The following PBX1 variants were observed in gnomAD, a reference collection of about 807,000 sequenced individuals.
The protein encoded by PBX1 is PBX homeobox 1, also known as pre-B-cell leukemia transcription factor 1.
PBX1 carries 6 observed loss-of-function variants against 53.4 expected under a neutral mutation model. The observed-to-expected ratio is 0.11, with a 90% CI of 0.06 to 0.22. PBX1 has a LOEUF of 0.22. Among genes scored for constraint, PBX1 ranks in the 10% least tolerant of loss-of-function variants. The pLI is 1.00. For missense variants in PBX1, 251 were observed against 551.4 expected (o/e 0.46, Z 5.46); for synonymous variants, 204 against 212.3 (o/e 0.96, Z 0.34).
chr1:164,641,751 A>AG (rs1400274421), intron 2 of PBX1: 1 of 152,244 alleles, frequency 6.6e-6, no homozygotes, highest in African/African-American at 2.4e-5. Context: ...ACTGTGAGAA[A>AG]GGATTTTATT....
At chr1:164,786,118 T>C (rs943773150) in intron 2 of PBX1, among the ~76,000 whole-genome samples, 36 of 152,292 alleles carry the variant, frequency 2.4e-4, no homozygotes, top group African/African-American at 7.2e-4. Flanking sequence ...ATACAGGGAA[T>C]TGGCTGCCTG....
At chr1:164,835,296 G>A (rs1670982525) in intron 8 of PBX1, among the ~76,000 whole-genome samples, 1 of 147,290 alleles carries the variant, frequency 6.8e-6, no homozygotes, top group Admixed American at 6.8e-5. Context: ...TTATAGTACA[G>A]AACATTTAAT....
chr1:164,845,809 C>A (rs539998430), intron 8 of PBX1, among the ~76,000 whole-genome samples: 23 of 152,082 alleles, frequency 1.5e-4, no homozygotes, highest in Non-Finnish European at 2.4e-4. Context: ...ACAGACTAGT[C>A]CTTATGGCCT....
chr1:164,795,626 G>A (rs1406298639), intron 3 of PBX1, among the ~76,000 whole-genome samples: 1 of 152,110 alleles, frequency 6.6e-6, no homozygotes, highest in Non-Finnish European at 1.5e-5. Context: ...ATACATTTTG[G>A]ATGCTTAATA....
chr1:164,852,995 A>G (rs993323877), downstream of PBX1, among the ~76,000 whole-genome samples: 1 of 152,238 alleles, frequency 6.6e-6, no homozygotes, highest in Non-Finnish European at 1.5e-5. Flanking sequence ...AAATAGATGT[A>G]AGAAACAGAC....
chr1:164,767,374 T>C (rs1162851702), intron 2 of PBX1, among the ~76,000 whole-genome samples: 5 of 152,178 alleles, frequency 3.3e-5, no homozygotes, highest in African/African-American at 9.7e-5. Flanking sequence ...ACAAAGCCAG[T>C]GCTTTGGTTT....
At chr1:164,684,051 C>T (rs562865340) in intron 2 of PBX1, 1 of 152,286 alleles carries the variant, frequency 6.6e-6, no homozygotes, top group East Asian at 1.9e-4. Context: ...CTCCTAGCCT[C>T]AAATGATCCT....
chr1:164,878,788 A>G (rs989998950), intron 2 of PBX1, among the ~76,000 whole-genome samples: 3 of 152,258 alleles, frequency 2.0e-5, no homozygotes, highest in African/African-American at 7.2e-5. Context: ...AGGAATACCA[A>G]TTATTTTAAA....
intron 2 of PBX1, among the ~76,000 whole-genome samples, chr1:164,757,840 G>A (rs1243195353): frequency 2.0e-5 from 3 of 152,156 alleles, no homozygotes; most frequent in African/African-American, 7.2e-5. Context: ...TCAGACTGCA[G>A]CCAAAGCTAT....
intron 2 of PBX1, among the ~76,000 whole-genome samples, chr1:164,766,022 C>A (rs1667044081): frequency 6.6e-6 from 1 of 152,148 alleles, no homozygotes; most frequent in African/African-American, 2.4e-5. Flanking sequence ...ATGGTCCCTG[C>A]CCTTGGATGG....
intron 2 of PBX1, among the ~76,000 whole-genome samples, chr1:164,681,550 C>T (rs1446009499): frequency 6.6e-6 from 1 of 152,126 alleles, no homozygotes; most frequent in Admixed American, 6.6e-5. Context: ...GATTGTCAGG[C>T]CTAGATGCCT....
chr1:164,808,471 C>T (rs1042643997), intron 5 of PBX1, among the ~76,000 whole-genome samples: 4 of 152,094 alleles, frequency 2.6e-5, no homozygotes, highest in African/African-American at 4.8e-5. Context: ...TGAAATCTAT[C>T]GGAGAAGGTT....
intron 8 of PBX1, among the ~76,000 whole-genome samples, chr1:164,833,356 A>C (rs527394875): frequency 1.3e-5 from 2 of 152,330 alleles, no homozygotes; most frequent in East Asian, 3.9e-4. Flanking sequence ...CGAAGTGGCT[A>C]GCGTTATAAA....
chr1:164,725,506 C>G (rs1664654944), intron 2 of PBX1, among the ~76,000 whole-genome samples: 1 of 152,002 alleles, frequency 6.6e-6, no homozygotes. Flanking sequence ...TAACTTGCTT[C>G]TGCTTGCATG....
At chr1:164,687,733 G>T (rs1208444498) in intron 2 of PBX1, among the ~76,000 whole-genome samples, 2 of 152,082 alleles carry the variant, frequency 1.3e-5, no homozygotes, top group African/African-American at 4.8e-5. Context: ...TGTCTTATTG[G>T]CAATATGAGG....
rs552802365 is a variant in PBX1 at position 164,610,509 on chromosome 1, G to C, written c.265+47198G>C. Among the ~76,000 whole-genome samples the C allele has an allele frequency of 3.9e-5, 6 of 152,236 alleles. No homozygotes were observed. The South Asian group carries it at 1.0e-3, about 26-fold the overall frequency. Reference sequence around the variant, plus strand: ...CTTAATTGTTAGTGAATTAAGCCAGGAAGGCACTGGGGGTGGCTGGGGAGA... The same window carrying C: ...CTTAATTGTTAGTGAATTAAGCCAGCAAGGCACTGGGGGTGGCTGGGGAGA... On this transcript the variant is annotated intron_variant, in intron 2 of 8. Transcript: ENST00000420696.
In PBX1 at chr1:164,836,415, A is replaced by C. The variant is rs144447298; in HGVS notation, c.1201-10169A>C. Among the ~76,000 whole-genome samples, 124 of 152,256 alleles carry C rather than the reference A, an allele frequency of 8.1e-4. 2 individuals are homozygous for C. Among genetic ancestry groups the C allele is most frequent in the African/African-American group, 2.7e-3 (111 of 41,558 alleles). ...ATTTCAAAAAATCAAACCCCCTTAC[A>C]CTTGGATGAGAATTCCAGAATAAAA... On this transcript the variant is annotated intron_variant, in intron 8 of 8. Coordinates refer to ENST00000420696, the MANE Select transcript of PBX1 (RefSeq NM_002585.4).
intron 2 of PBX1, among the ~76,000 whole-genome samples, chr1:164,584,441 C>T (rs75488678): frequency 0.012 from 1,802 of 152,154 alleles, 43 homozygotes; most frequent in African/African-American, 0.041. Flanking sequence ...TATGTATGCT[C>T]TTATGTGATG....
At chr1:164,646,287 T>G (rs1313545391) in intron 2 of PBX1, among the ~76,000 whole-genome samples, 2 of 152,204 alleles carry the variant, frequency 1.3e-5, no homozygotes. Flanking sequence ...GCATCTATGT[T>G]ATGAAAACCA....
Sources: allele counts gnomAD v4.1 joint callset (sites outside exome capture counted in the v4.1 genomes callset), GRCh38; gene constraint gnomAD v4.1.1; transcripts MANE v1.5; gene names NCBI Gene and HGNC (gene_info 2026-07-23, HGNC 2026-07-21).